The following ERLIN1 variants were observed in gnomAD, a reference collection of about 807,000 sequenced individuals.
ERLIN1 encodes erlin-1.
Under a neutral mutation model 46.9 loss-of-function variants are expected in ERLIN1, and 24 were observed. That is an observed-to-expected ratio of 0.51 (90% CI 0.37 to 0.72). ERLIN1 has a LOEUF of 0.72. Ranked by LOEUF, ERLIN1 falls within the 30% of genes least tolerant of loss-of-function variation. The probability of loss-of-function intolerance (pLI) is 0.00; values close to 1 mark genes in which losing one functional copy is unlikely to be tolerated. For synonymous variants in ERLIN1, 158 were observed against 143.2 expected (o/e 1.10, Z -0.74); for missense variants, 293 against 417.9 (o/e 0.70, Z 2.61).
At chr10:100,156,068 A>C (rs904738778) in intron 9 of ERLIN1, 77 bp downstream of exon 9, 3 of 877,346 alleles carry the variant, frequency 3.4e-6, no homozygotes, top group Non-Finnish European at 5.7e-6. Context: ...CACCCACCAC[A>C]ATCAAAGGCC....
At chr10:100,178,097 A>G (rs756712211) in intron 4 of ERLIN1, 36 bp downstream of exon 4, 6 of 1,343,288 alleles carry the variant, frequency 4.5e-6, no homozygotes, top group Non-Finnish European at 5.2e-6. Context: ...TCCTCTGGCT[A>G]TAACTATAAA....
chr10:100,183,701 A>C, intron 2 of ERLIN1, 55 bp downstream of exon 2: 1 of 1,161,248 alleles, frequency 8.6e-7, no homozygotes, highest in Non-Finnish European at 1.3e-6. Flanking sequence ...CAAGTGTGGT[A>C]ACTCCTGTCA....
At chr10:100,180,751 T>C (rs1289815094) in intron 2 of ERLIN1, among the ~76,000 whole-genome samples, 9 of 152,230 alleles carry the variant, frequency 5.9e-5, no homozygotes, top group Non-Finnish European at 1.5e-5. Context: ...GTTCACCTTA[T>C]ATACAGTCAC....
At chr10:100,173,969 A>G (rs1844150582) in intron 6 of ERLIN1, among the ~76,000 whole-genome samples, 2 of 152,198 alleles carry the variant, frequency 1.3e-5, no homozygotes, top group South Asian at 4.1e-4. Flanking sequence ...AGAAATATGA[A>G]TTTTACTTCC....
chr10:100,163,874 T>C, intron 8 of ERLIN1, 130 bp downstream of exon 8: 1 of 631,182 alleles, frequency 1.6e-6, no homozygotes, highest in Non-Finnish European at 2.8e-6. Context: ...GAATGTACAG[T>C]GGAGATTCCA....
rs765743611 is a variant in ERLIN1 at position 100,152,358 on chromosome 10, T to A, written c.826-6A>T. ...TATTCCGGGGTCAACTTGTGCTGTG[T>A]GGGAGCAAACAAGAGCAAAGGCATC... On this transcript the variant is annotated splice_region_variant and splice_polypyrimidine_tract_variant and intron_variant, in intron 10 of 10. Coordinates refer to ENST00000421367, the MANE Select transcript of ERLIN1 (RefSeq NM_006459.4). The A allele has an allele frequency of 2.5e-6, 4 of 1,575,128 alleles. No homozygotes were observed. The African/African-American group carries it at 5.4e-5, about 21-fold the overall frequency.
At chr10:100,173,865 C>A (rs947206503) in intron 6 of ERLIN1, among the ~76,000 whole-genome samples, 1 of 152,160 alleles carries the variant, frequency 6.6e-6, no homozygotes, top group African/African-American at 2.4e-5. Context: ...TCAAATTTTA[C>A]ACTTGAACTC....
At chr10:100,167,549 C>T in intron 6 of ERLIN1, 143 bp from the exon 7 acceptor site, 1 of 634,446 alleles carries the variant, frequency 1.6e-6, no homozygotes, top group Non-Finnish European at 2.7e-6. Context: ...TTTGGGGATC[C>T]CACCAGAACA....
In ERLIN1 at chr10:100,167,422, G is replaced by A; in HGVS notation, c.505-16C>T. Reference sequence around the variant, plus strand: ...CACGCACAGCCTAAAAAATAAAAGTGAAAAAGCCAAAGTATATTTGAAAGA... The same window carrying A: ...CACGCACAGCCTAAAAAATAAAAGTAAAAAAGCCAAAGTATATTTGAAAGA... On this transcript the variant is annotated splice_polypyrimidine_tract_variant and intron_variant, in intron 6 of 10. Transcript: ENST00000421367. The A allele has an allele frequency of 6.2e-7, 1 of 1,602,022 alleles. No individual in the cohort carries two copies. The highest frequency in any genetic ancestry group is 1.1e-5 in the South Asian group (1 of 90,056).
At chr10:100,176,778 T>C (rs558644332) in intron 4 of ERLIN1, among the ~76,000 whole-genome samples, 1 of 152,182 alleles carries the variant, frequency 6.6e-6, no homozygotes, top group African/African-American at 2.4e-5. Flanking sequence ...TGTCTTCAGA[T>C]CCAAGAATTT....
At chr10:100,171,783 G>C (rs1370657657) in intron 6 of ERLIN1, among the ~76,000 whole-genome samples, 2 of 152,086 alleles carry the variant, frequency 1.3e-5, no homozygotes, top group Admixed American at 1.3e-4. Context: ...ATTTATAAAT[G>C]AAATAAAAAC....
At chr10:100,177,477 TTA>T (rs1261076546) in intron 4 of ERLIN1, among the ~76,000 whole-genome samples, 2 of 152,230 alleles carry the variant, frequency 1.3e-5, no homozygotes, top group Non-Finnish European at 2.9e-5. Flanking sequence ...TAGCTCTGTA[TTA>T]TGTCTTCTCA....
chr10:100,182,662 A>G (rs1029730237), intron 2 of ERLIN1, among the ~76,000 whole-genome samples: 2 of 152,252 alleles, frequency 1.3e-5, no homozygotes. Context: ...AAAACTTAGC[A>G]AACAATGCAA....
chr10:100,162,014 T>C (rs1452675649), intron 8 of ERLIN1, among the ~76,000 whole-genome samples: 1 of 151,976 alleles, frequency 6.6e-6, no homozygotes, highest in East Asian at 1.9e-4. Flanking sequence ...ATTCTTAAGA[T>C]AGGAAAAGCA....
At chr10:100,158,928 A>G (rs1843213067) in intron 8 of ERLIN1, among the ~76,000 whole-genome samples, 1 of 152,222 alleles carries the variant, frequency 6.6e-6, no homozygotes, top group African/African-American at 2.4e-5. Context: ...ATCAAATGAT[A>G]CAAACACATC....
chr10:100,157,144 G>C (rs1293052395), intron 8 of ERLIN1, among the ~76,000 whole-genome samples: 1 of 152,216 alleles, frequency 6.6e-6, no homozygotes, highest in Non-Finnish European at 1.5e-5. Context: ...AGGGCTAGGA[G>C]ACCTCTGTCT....
chr10:100,151,963 A>G lies in ERLIN1; in HGVS notation c.*168T>C, dbSNP rs780304751. ...TGGCTGAAAAGACCATTTGTGTGTCAGACAGCTGGCTCTATCCTCCAATCA... is the reference window on the plus strand; with the variant it reads ...TGGCTGAAAAGACCATTTGTGTGTCGGACAGCTGGCTCTATCCTCCAATCA... On this transcript the variant is annotated 3_prime_UTR_variant, in exon 11 of 11. Coordinates refer to ENST00000421367, the MANE Select transcript of ERLIN1 (RefSeq NM_006459.4). 3 of 680,358 alleles carry G rather than the reference A, an allele frequency of 4.4e-6. No individual in the cohort carries two copies. The highest frequency in any genetic ancestry group is 8.1e-6 in the Non-Finnish European group (3 of 371,690). The allele number at this position is 680,358 out of a possible 1,614,324, so 42.1% of individuals were successfully genotyped here.
chr10:100,167,702 A>G (rs927989340), intron 6 of ERLIN1, among the ~76,000 whole-genome samples: 5 of 152,228 alleles, frequency 3.3e-5, no homozygotes, highest in Non-Finnish European at 5.9e-5. Flanking sequence ...AAGATGTTTT[A>G]CAAAGGTCGT....
chr10:100,185,164 C>T (rs1378720574), intron 1 of ERLIN1, among the ~76,000 whole-genome samples: 1 of 152,164 alleles, frequency 6.6e-6, no homozygotes, highest in Non-Finnish European at 1.5e-5. Flanking sequence ...GCATCTACAG[C>T]GGCAAACTAA....
Sources: allele counts gnomAD v4.1 joint callset (sites outside exome capture counted in the v4.1 genomes callset), GRCh38; gene constraint gnomAD v4.1.1; transcripts MANE v1.5; gene names NCBI Gene and HGNC (gene_info 2026-07-23, HGNC 2026-07-21).